RANBP17: variants seen among roughly 807,000 people sequenced by gnomAD.
RANBP17 encodes the protein ran-binding protein 17.
In RANBP17, 158 loss-of-function variants were observed where a neutral mutation model predicts 141.2. The observed-to-expected ratio is 1.12, with a 90% CI of 0.98 to 1.28. RANBP17 has a LOEUF of 1.28. RANBP17 is among the 50% of genes most tolerant of loss of function. The probability of loss-of-function intolerance (pLI) is 0.00; values close to 1 mark genes in which losing one functional copy is unlikely to be tolerated. For missense variants in RANBP17, 1,438 were observed against 1,290.7 expected (o/e 1.11, Z -1.75); for synonymous variants, 430 against 450.0 (o/e 0.96, Z 0.56).
At chr5:170,906,824 T>G (rs775115532) in intron 5 of RANBP17, among the ~76,000 whole-genome samples, 6 of 151,970 alleles carry the variant, frequency 3.9e-5, no homozygotes, top group Admixed American at 6.6e-5. Flanking sequence ...TTTGGGTTCT[T>G]TCTTACCTTC....
chr5:171,132,760 A>G (rs1757007555), intron 14 of RANBP17, among the ~76,000 whole-genome samples: 1 of 151,572 alleles, frequency 6.6e-6, no homozygotes, highest in East Asian at 1.9e-4. Context: ...CCTTTCATTC[A>G]CTCTGTACTG....
chr5:171,136,697 G>A (rs1720683751), intron 14 of RANBP17, among the ~76,000 whole-genome samples: 2 of 152,028 alleles, frequency 1.3e-5, no homozygotes, highest in Non-Finnish European at 2.9e-5. Flanking sequence ...AATGTTTTTG[G>A]TATATGTAGA....
At chr5:171,115,903 A>G (rs1755590730) in intron 14 of RANBP17, among the ~76,000 whole-genome samples, 1 of 152,244 alleles carries the variant, frequency 6.6e-6, no homozygotes, top group Non-Finnish European at 1.5e-5. Flanking sequence ...TGAGATGCAC[A>G]GTGTCATGCT....
chr5:171,095,470 G>C (rs564534045), intron 14 of RANBP17, among the ~76,000 whole-genome samples: 25 of 152,148 alleles, frequency 1.6e-4, no homozygotes, highest in African/African-American at 5.1e-4. Flanking sequence ...GACATTACTG[G>C]CTACGGTAAA....
At chr5:171,267,026 C>CTTT (rs35762251) in intron 25 of RANBP17, among the ~76,000 whole-genome samples, 10,211 of 114,198 alleles carry the variant, frequency 0.089, 808 homozygotes, top group East Asian at 0.14. Context: ...ATTTTCTTTT[C>CTTT]TTTTTTTTTT....
At chr5:170,899,456 A>G (rs1343438324) in intron 5 of RANBP17, among the ~76,000 whole-genome samples, 4 of 152,218 alleles carry the variant, frequency 2.6e-5, no homozygotes, top group African/African-American at 7.2e-5. Context: ...CAATCATGTC[A>G]TCTGCAAACA....
chr5:170,981,597 G>A (rs1408484941), intron 14 of RANBP17, among the ~76,000 whole-genome samples: 6 of 151,684 alleles, frequency 4.0e-5, no homozygotes, highest in African/African-American at 1.5e-4. Context: ...CATGTAAGAC[G>A]TGACTTGCTG....
intron 12 of RANBP17, among the ~76,000 whole-genome samples, chr5:170,938,614 C>T (rs1401007476): frequency 6.6e-6 from 1 of 152,002 alleles, no homozygotes; most frequent in Non-Finnish European, 1.5e-5. Flanking sequence ...GTGTGAAAAA[C>T]AACCAGGAGG....
At chr5:171,127,107 C>A (rs541619610) in intron 14 of RANBP17, among the ~76,000 whole-genome samples, 1 of 152,082 alleles carries the variant, frequency 6.6e-6, no homozygotes, top group East Asian at 1.9e-4. Flanking sequence ...CCAAATAGCA[C>A]ATCAGAAGAT....
intron 22 of RANBP17, among the ~76,000 whole-genome samples, chr5:171,229,714 G>A (rs1038317407): frequency 1.4e-5 from 2 of 141,250 alleles, no homozygotes; most frequent in Non-Finnish European, 3.0e-5. Context: ...CTGTTAATAC[G>A]TTTCTGATGC....
At chr5:171,154,896 T>C (rs1205840589) in intron 14 of RANBP17, among the ~76,000 whole-genome samples, 1 of 151,480 alleles carries the variant, frequency 6.6e-6, no homozygotes, top group Non-Finnish European at 1.5e-5. Context: ...GCCAACATAA[T>C]GAAACCCTGT....
intron 18 of RANBP17, among the ~76,000 whole-genome samples, chr5:171,191,247 C>A (rs905235516): frequency 6.6e-6 from 1 of 152,054 alleles, no homozygotes; most frequent in African/African-American, 2.4e-5. Flanking sequence ...AATAAAAACA[C>A]AGAGGAAGGA....
rs549160875 is a variant in RANBP17 at position 171,186,593 on chromosome 5, G to GT, written c.2038+3164dup. On this transcript the variant is annotated intron_variant, in intron 18 of 27. Transcript: ENST00000523189. ...GCTCTGTCGCCCAGGCTGGAGTGCA[G>GT]TGGTGCGATCTCGGCTCACTGCAAG... Among the ~76,000 whole-genome samples, 377 of 117,540 alleles carry GT rather than the reference G, an allele frequency of 3.2e-3. 2 individuals are homozygous for GT. The highest frequency in any genetic ancestry group is 0.012 in the African/African-American group (340 of 28,188). The allele number at this position is 117,540 out of a possible 152,430, so 77.1% of individuals were successfully genotyped here.
At chr5:171,105,178 C>T (rs985453224) in intron 14 of RANBP17, among the ~76,000 whole-genome samples, 2 of 150,300 alleles carry the variant, frequency 1.3e-5, no homozygotes, top group African/African-American at 2.4e-5. Flanking sequence ...GTCAGGAGAT[C>T]GAGACCATCC....
At chr5:171,244,444 T>A (rs538121146) in intron 24 of RANBP17, among the ~76,000 whole-genome samples, 3 of 152,156 alleles carry the variant, frequency 2.0e-5, no homozygotes, top group African/African-American at 7.2e-5. Flanking sequence ...TAGAATTATT[T>A]TTTATTTATT....
intron 18 of RANBP17, among the ~76,000 whole-genome samples, chr5:171,193,577 G>T (rs369037392): frequency 6.6e-6 from 1 of 152,336 alleles, no homozygotes; most frequent in East Asian, 1.9e-4. Context: ...GAGGTCAGAT[G>T]TCCAAATGGG....
At chr5:171,211,382 C>T (rs1007432417) in intron 20 of RANBP17, among the ~76,000 whole-genome samples, 6 of 152,044 alleles carry the variant, frequency 3.9e-5, no homozygotes, top group Non-Finnish European at 5.9e-5. Context: ...GTGCCTCAGC[C>T]TCCCAAGTAG....
intron 14 of RANBP17, among the ~76,000 whole-genome samples, chr5:171,015,940 A>G (rs991092743): frequency 3.9e-5 from 6 of 152,060 alleles, no homozygotes; most frequent in African/African-American, 1.4e-4. Flanking sequence ...TTCCCTCTGT[A>G]ACATTGGATG....
intron 14 of RANBP17, among the ~76,000 whole-genome samples, chr5:171,018,610 T>C (rs1209218889): frequency 2.0e-5 from 3 of 152,196 alleles, no homozygotes; most frequent in Non-Finnish European, 1.5e-5. Flanking sequence ...TGATTTTGTA[T>C]TGTGAGACTT....
Sources: allele counts gnomAD v4.1 joint callset (sites outside exome capture counted in the v4.1 genomes callset), GRCh38; gene constraint gnomAD v4.1.1; transcripts MANE v1.5; gene names NCBI Gene and HGNC (gene_info 2026-07-23, HGNC 2026-07-21).